The following CCDC172 variants were observed in gnomAD, a reference collection of about 807,000 sequenced individuals.
CCDC172 encodes coiled-coil domain-containing protein 172.
A neutral mutation model predicts 38.0 loss-of-function variants in CCDC172; 30 were observed. That is an observed-to-expected ratio of 0.79 (90% CI 0.59 to 1.07). The LOEUF (loss-of-function observed/expected upper bound fraction) is 1.07. Ranked by LOEUF, CCDC172 falls within the 50% of genes least tolerant of loss-of-function variation. The pLI, the probability that CCDC172 is intolerant of heterozygous loss-of-function variation, is 0.00. For missense variants in CCDC172, 297 were observed against 290.1 expected, an observed-to-expected ratio of 1.02 and a Z score of -0.17; for synonymous variants, 78 against 88.3, an observed-to-expected ratio of 0.88 and a Z score of 0.66.
rs201464805 is a variant in CCDC172 at position 116,357,423 on chromosome 10, TCAAAAA to T, written c.498_503del (p.Gln167_Lys168del). The T allele has an allele frequency of 2.1e-5, 34 of 1,584,400 alleles. No homozygotes were observed. The East Asian group carries it at 7.7e-4, about 36-fold the overall frequency. ...ATGATAGTAGCCAGTTAAATGAACT[TCAAAAA>T]CAAAAGAGTGAATTGATACAAGAAT... On this transcript the variant is annotated inframe_deletion, in exon 6 of 9. Transcript: ENST00000333254.
intron 5 of CCDC172, among the ~76,000 whole-genome samples, chr10:116,350,684 CT>C (rs5788156): frequency 6.6e-6 from 1 of 151,950 alleles, no homozygotes; most frequent in Non-Finnish European, 1.5e-5. Flanking sequence ...ATATATGACA[CT>C]TTTCTTTGCT....
chr10:116,342,097 T>C lies in CCDC172; in HGVS notation c.344T>C (p.Phe115Ser), dbSNP rs756538004. 1 of 1,551,008 alleles carries C rather than the reference T, an allele frequency of 6.4e-7. No individual in the cohort carries two copies. The highest frequency in any genetic ancestry group is 1.2e-5 in the South Asian group (1 of 81,800). ...EDKFIKEITD[F>S]NNDYEITKKR... is the part of the protein sequence containing the mutation. ...AAATTTATTAAGGAAATTACAGACT[T>C]TAATAATGATTATGAAATAACAAAG... The change falls in exon 5 of 9, where the codon TTT becomes TCT. Residue 115 changes from phenylalanine to serine, a missense_variant. By Grantham distance (155) the Phe-to-Ser change is radical (BLOSUM62 -2). Coordinates refer to ENST00000333254, the MANE Select transcript of CCDC172 (RefSeq NM_198515.3).
At chr10:116,340,615 G>A (rs1404747029) in intron 3 of CCDC172, 119 bp from the exon 4 acceptor site, 2 of 554,036 alleles carry the variant, frequency 3.6e-6, no homozygotes, top group Non-Finnish European at 3.2e-6. Flanking sequence ...ATTTTATTTT[G>A]CATTTTAAAG....
chr10:116,340,712 T>C, intron 3 of CCDC172, 22 bp from the exon 4 acceptor site: 1 of 1,177,632 alleles, frequency 8.5e-7, no homozygotes, highest in Non-Finnish European at 1.3e-6. Flanking sequence ...TTTATTCTGA[T>C]TTCTGTTTTT....
chr10:116,372,201 T>C (rs1222043916), intron 7 of CCDC172, among the ~76,000 whole-genome samples: 1 of 152,146 alleles, frequency 6.6e-6, no homozygotes, highest in East Asian at 1.9e-4. Context: ...GTTTTCGTAT[T>C]GAGAGGTCTT....
At chr10:116,376,812 C>A (rs1455605664) in intron 7 of CCDC172, among the ~76,000 whole-genome samples, 1 of 152,164 alleles carries the variant, frequency 6.6e-6, no homozygotes, top group East Asian at 1.9e-4. Context: ...TAGGCTTTAT[C>A]TGCTTAAAAG....
At chr10:116,367,559 G>A (rs756936607) in intron 7 of CCDC172, among the ~76,000 whole-genome samples, 2 of 151,920 alleles carry the variant, frequency 1.3e-5, no homozygotes, top group African/African-American at 2.4e-5. Flanking sequence ...GCGTGGTGGC[G>A]GGTGTTTGTA....
intron 5 of CCDC172, among the ~76,000 whole-genome samples, chr10:116,353,892 T>C (rs556857906): frequency 3.1e-4 from 47 of 152,246 alleles, no homozygotes; most frequent in African/African-American, 7.9e-4. Flanking sequence ...TATGGAGAAA[T>C]TGGAGAAATG....
chr10:116,352,809 A>G (rs1844946648), intron 5 of CCDC172, among the ~76,000 whole-genome samples: 1 of 152,096 alleles, frequency 6.6e-6, no homozygotes, highest in Non-Finnish European at 1.5e-5. Flanking sequence ...AAGCATCCAT[A>G]TTGGAAAGGA....
At chr10:116,359,683 G>T (rs1018443890) in intron 7 of CCDC172, among the ~76,000 whole-genome samples, 2 of 152,120 alleles carry the variant, frequency 1.3e-5, no homozygotes, top group African/African-American at 4.8e-5. Context: ...TTATTTTAAG[G>T]TTATTATGAC....
At chr10:116,334,509 T>A (rs1281975659) in intron 3 of CCDC172, among the ~76,000 whole-genome samples, 1 of 152,160 alleles carries the variant, frequency 6.6e-6, no homozygotes, top group African/African-American at 2.4e-5. Context: ...ATTTGCTTTT[T>A]TCTATTTACT....
chr10:116,340,249 G>A (rs184649140), intron 3 of CCDC172, among the ~76,000 whole-genome samples: 1 of 151,462 alleles, frequency 6.6e-6, no homozygotes, highest in African/African-American at 2.4e-5. Context: ...TTTTTTATTT[G>A]ATATAACTAT....
In CCDC172 at chr10:116,370,934, AT is replaced by A. The variant is rs1034172473; in HGVS notation, c.654-7482del. ...CTTACTAAATTATTTTATTATTTGA[AT>A]TTTTTTATTCATTGATATTTTTGAG... is the stretch of plus-strand genomic sequence containing the variant. On this transcript the variant is annotated intron_variant, in intron 7 of 8. Coordinates refer to ENST00000333254, the MANE Select transcript of CCDC172 (RefSeq NM_198515.3). Among the ~76,000 whole-genome samples, 5 of 151,764 alleles carry A rather than the reference AT, an allele frequency of 3.3e-5. No individual in the cohort carries two copies. In the South Asian group the frequency reaches 8.3e-4, roughly 25 times the overall value.
chr10:116,357,334 T>A (rs754107376), intron 5 of CCDC172, 46 bp from the exon 6 acceptor site: 7 of 1,286,978 alleles, frequency 5.4e-6, no homozygotes, highest in Non-Finnish European at 7.5e-6. Flanking sequence ...GGGGTTAAAT[T>A]TATTTCTAAG....
chr10:116,335,768 G>C (rs1844722760), intron 3 of CCDC172, among the ~76,000 whole-genome samples: 4 of 151,924 alleles, frequency 2.6e-5, no homozygotes. Context: ...TTCTGTTTTT[G>C]TTGGTAACTA....
rs375248728 is a variant in CCDC172, at chr10:116,325,003, G to A, written c.-9G>A. The A allele has an allele frequency of 1.9e-5, 31 of 1,612,720 alleles. No individual in the cohort carries two copies. The highest frequency in any genetic ancestry group is 2.6e-5 in the Non-Finnish European group (31 of 1,178,868). The stretch of plus-strand genomic sequence containing the variant: ...GGCGAGAAAAGGATCGCAGGAGCCA[G>A]GCCCTGAGATGAGCTTGGAGTCCCT... On this transcript the variant is annotated 5_prime_UTR_variant, in exon 2 of 9. Coordinates refer to ENST00000333254, the MANE Select transcript of CCDC172 (RefSeq NM_198515.3).
Position 116,325,046 on chromosome 10 carries a change from T to C in CCDC172, c.35T>C (p.Phe12Ser). 6.2e-7 allele frequency: 1 copy of C among 1,614,084 alleles called. No homozygotes were observed. The highest frequency in any genetic ancestry group is 8.5e-7 in the Non-Finnish European group (1 of 1,180,006). ...SLESLFQHII[F>S]TEHQAEESRR... is the part of the protein sequence containing the mutation. ...GAGTCCCTGTTTCAGCACATCATCT[T>C]CACCGAGCATCAGGCGGAGGAGAGT... The change falls in exon 2 of 9, where the codon TTC becomes TCC. Residue 12 changes from phenylalanine to serine, a missense_variant. By Grantham distance (155) the Phe-to-Ser change is radical (BLOSUM62 -2). Transcript: ENST00000333254.
intron 5 of CCDC172, among the ~76,000 whole-genome samples, chr10:116,356,413 A>AGG (rs371124890): frequency 6.6e-6 from 1 of 151,728 alleles, no homozygotes; most frequent in East Asian, 1.9e-4. Flanking sequence ...GAAGGAAGGA[A>AGG]ACCTGATATG....
intron 3 of CCDC172, 106 bp downstream of exon 3, chr10:116,325,494 ACGTTACTCTGTG>A (rs1160281127): frequency 3.7e-6 from 3 of 820,134 alleles, no homozygotes; most frequent in African/African-American, 1.7e-5. Context: ...AGTAGGAAGC[ACGTTACTCTGTG>A]CTGGCTGTTT....
Sources: allele counts gnomAD v4.1 joint callset (sites outside exome capture counted in the v4.1 genomes callset), GRCh38; gene constraint gnomAD v4.1.1; transcripts MANE v1.5; gene names NCBI Gene and HGNC (gene_info 2026-07-23, HGNC 2026-07-21).